The following CDC73 variants were observed in gnomAD, a reference collection of about 807,000 sequenced individuals.
The protein encoded by CDC73 is cell division cycle 73.
In CDC73, 21 loss-of-function variants were observed where a neutral mutation model predicts 83.7. That is an observed-to-expected ratio of 0.25 (90% CI 0.18 to 0.36). The LOEUF (loss-of-function observed/expected upper bound fraction) is 0.36, where lower values mean the gene tolerates loss of function less well. Ranked by LOEUF, CDC73 falls within the 10% of genes least tolerant of loss-of-function variation. CDC73 has a pLI of 1.00. For missense variants in CDC73, 342 were observed against 653.3 expected, an observed-to-expected ratio of 0.52 and a Z score of 5.19; for synonymous variants, 224 against 212.9, an observed-to-expected ratio of 1.05 and a Z score of -0.45.
chr1:193,223,411 A>G (rs1190716362), intron 13 of CDC73, among the ~76,000 whole-genome samples: 5 of 152,206 alleles, frequency 3.3e-5, no homozygotes, highest in East Asian at 3.9e-4. Flanking sequence ...TAAATTCTCT[A>G]TTGGAGGTTT....
At chr1:193,129,082 C>G (rs1052010627) in intron 2 of CDC73, among the ~76,000 whole-genome samples, 3 of 150,818 alleles carry the variant, frequency 2.0e-5, no homozygotes, top group African/African-American at 7.3e-5. Flanking sequence ...ACTGCAACCT[C>G]TGCCGCCCAG....
At chr1:193,173,670 C>T (rs1676556517) in intron 10 of CDC73, among the ~76,000 whole-genome samples, 1 of 152,064 alleles carries the variant, frequency 6.6e-6, no homozygotes, top group Non-Finnish European at 1.5e-5. Flanking sequence ...TTTTTTGTGC[C>T]ATTGGTGCAT....
At chr1:193,220,106 A>G (rs140036534) in intron 13 of CDC73, among the ~76,000 whole-genome samples, 64 of 151,826 alleles carry the variant, frequency 4.2e-4, no homozygotes, top group African/African-American at 1.2e-3. Flanking sequence ...AAATACCCAG[A>G]AGGGGAATGT....
intron 11 of CDC73, among the ~76,000 whole-genome samples, chr1:193,210,894 AT>A (rs1677266532): frequency 2.0e-5 from 3 of 152,180 alleles, no homozygotes; most frequent in South Asian, 2.1e-4. Context: ...AGAAAAAAAA[AT>A]AAAAGGAATC....
chr1:193,250,158 T>C (rs975323002), intron 16 of CDC73, among the ~76,000 whole-genome samples: 3 of 151,938 alleles, frequency 2.0e-5, no homozygotes, highest in Non-Finnish European at 4.4e-5. Context: ...TTGAACCTTA[T>C]TTTCTATCCA....
At chr1:193,199,125 A>G (rs1677048514) in intron 10 of CDC73, among the ~76,000 whole-genome samples, 1 of 152,182 alleles carries the variant, frequency 6.6e-6, no homozygotes, top group African/African-American at 2.4e-5. Flanking sequence ...CATATACCTC[A>G]AGGTTATAAG....
chr1:193,168,743 C>G (rs1012495373), intron 10 of CDC73, among the ~76,000 whole-genome samples: 1 of 151,988 alleles, frequency 6.6e-6, no homozygotes, highest in Non-Finnish European at 1.5e-5. Flanking sequence ...AGGCTGGTCT[C>G]AAAACACCTG....
intron 1 of CDC73, among the ~76,000 whole-genome samples, chr1:193,124,049 G>T (rs1675518718): frequency 6.6e-6 from 1 of 152,220 alleles, no homozygotes; most frequent in African/African-American, 2.4e-5. Context: ...TGAGTGAACT[G>T]TATACTTAAA....
chr1:193,242,283 G>A (rs951843077), intron 15 of CDC73, among the ~76,000 whole-genome samples: 1 of 152,172 alleles, frequency 6.6e-6, no homozygotes, highest in Non-Finnish European at 1.5e-5. Flanking sequence ...GGAGCATCTT[G>A]TGGTCTCTAG....
At chr1:193,192,087 A>G (rs1310217199) in intron 10 of CDC73, among the ~76,000 whole-genome samples, 1 of 152,242 alleles carries the variant, frequency 6.6e-6, no homozygotes, top group Non-Finnish European at 1.5e-5. Flanking sequence ...TAGTTACCCT[A>G]ATATAAATTA....
intron 10 of CDC73, among the ~76,000 whole-genome samples, chr1:193,167,842 G>C (rs1408319068): frequency 6.6e-6 from 1 of 151,910 alleles, no homozygotes; most frequent in Non-Finnish European, 1.5e-5. Context: ...ACATTAAAGA[G>C]CATACTACTT....
chr1:193,236,362 A>AT lies in CDC73; in HGVS notation c.1417+8dup. 1 of 1,542,026 alleles carries AT rather than the reference A, an allele frequency of 6.5e-7. No individual in the cohort carries two copies. On this transcript the variant is annotated splice_region_variant and intron_variant, in intron 15 of 16. Transcript: ENST00000367435. ...AGTTGATATATTTGCTAAAAGTAAG[A>AT]TTCTCTTTGTATTTACTGTATCCAG...
intron 15 of CDC73, among the ~76,000 whole-genome samples, chr1:193,249,049 A>G (rs181558136): frequency 7.6e-4 from 116 of 152,190 alleles, no homozygotes; most frequent in South Asian, 1.9e-3. Context: ...ATTATCACAT[A>G]CTGTAGAGAA....
intron 7 of CDC73, among the ~76,000 whole-genome samples, chr1:193,144,157 A>G (rs1675954758): frequency 6.6e-6 from 1 of 150,868 alleles, no homozygotes; most frequent in Non-Finnish European, 1.5e-5. Flanking sequence ...TAAATATGTT[A>G]TTATTTTTGC....
At chr1:193,163,859 A>G (rs891587537) in intron 10 of CDC73, among the ~76,000 whole-genome samples, 1 of 151,908 alleles carries the variant, frequency 6.6e-6, no homozygotes, top group Non-Finnish European at 1.5e-5. Flanking sequence ...ATCAACTGCA[A>G]CCTCCGCTTC....
intron 14 of CDC73, among the ~76,000 whole-genome samples, chr1:193,234,820 A>G (rs1013224452): frequency 1.3e-5 from 2 of 152,190 alleles, no homozygotes; most frequent in Non-Finnish European, 2.9e-5. Flanking sequence ...ATTGCCAAAG[A>G]TGATTTTGAC....
chr1:193,176,423 C>T (rs1676603659), intron 10 of CDC73, among the ~76,000 whole-genome samples: 1 of 152,092 alleles, frequency 6.6e-6, no homozygotes, highest in Non-Finnish European at 1.5e-5. Context: ...AGAAGTTGTC[C>T]TTGGATCCAT....
chr1:193,151,381 G>A (rs1013198944), intron 9 of CDC73, among the ~76,000 whole-genome samples: 1 of 152,148 alleles, frequency 6.6e-6, no homozygotes, highest in Admixed American at 6.5e-5. Flanking sequence ...CTTGAGGAAT[G>A]AATTATATAA....
intron 13 of CDC73, among the ~76,000 whole-genome samples, chr1:193,231,566 T>C (rs1320768706): frequency 6.6e-6 from 1 of 152,174 alleles, no homozygotes; most frequent in Non-Finnish European, 1.5e-5. Flanking sequence ...TGGCATTTTC[T>C]AAGTGAGCTT....
Sources: gnomAD v4.1 joint callset for allele counts (sites outside exome capture counted in the v4.1 genomes callset) on GRCh38, gnomAD v4.1.1 for gene constraint, MANE v1.5 for transcripts, NCBI Gene and HGNC (gene_info 2026-07-23, HGNC 2026-07-21) for gene names.